The following PCDHGA10 variants were observed in gnomAD, a reference collection of about 807,000 sequenced individuals.
PCDHGA10 encodes protocadherin gamma subfamily A, 10, also known as protocadherin gamma-A10.
Under a neutral mutation model 59.5 loss-of-function variants are expected in PCDHGA10, and 42 were observed. The ratio of observed to expected loss-of-function variants is 0.71; its 90% CI spans 0.55 to 0.91. The LOEUF is 0.91. Ranked by LOEUF, PCDHGA10 falls within the 40% of genes least tolerant of loss-of-function variation. The pLI, the probability that PCDHGA10 is intolerant of heterozygous loss-of-function variation, is 0.00. For synonymous variants in PCDHGA10, 511 were observed against 517.2 expected (o/e 0.99, Z 0.16); for missense variants, 1,111 against 1,198.2 (o/e 0.93, Z 1.07).
At chr5:141,465,887 C>A (rs1267304672) in intron 1 of PCDHGA10, among the ~76,000 whole-genome samples, 1 of 152,040 alleles carries the variant, frequency 6.6e-6, no homozygotes, top group Non-Finnish European at 1.5e-5. Flanking sequence ...CTTTGGGAGG[C>A]CGAGGCGGGC....
chr5:141,498,967 GGGAGGGAAGGAAGGAA>G (rs1333462541), intron 2 of PCDHGA10, among the ~76,000 whole-genome samples: 8 of 129,672 alleles, frequency 6.2e-5, no homozygotes, highest in East Asian at 2.2e-4. Context: ...GAGGGAGGGA[GGGAGGGAAGGAAGGAA>G]GGAAGGAAGG....
Position 141,511,345 on chromosome 5 carries a change from TC to T in PCDHGA10, c.*179del, listed in dbSNP as rs535135679. On this transcript the variant is annotated 3_prime_UTR_variant, in exon 4 of 4. Coordinates refer to ENST00000398610, the MANE Select transcript of PCDHGA10 (RefSeq NM_018913.3). ...AAGTGCCCAGTCAGCACCTACCCCTTCCCCCCCAGGGGGTTGAATATGCAAA... is the reference window on the plus strand; with the variant it reads ...AAGTGCCCAGTCAGCACCTACCCCTTCCCCCCAGGGGGTTGAATATGCAAA... The T allele has an allele frequency of 2.2e-5, 31 of 1,410,342 alleles. No individual in the cohort carries two copies. Among genetic ancestry groups the T allele is most frequent in the South Asian group, 2.9e-5 (2 of 68,200 alleles). 87.4% of individuals were successfully genotyped at this position (1,410,342 alleles called of 1,614,324 possible). A position where few individuals can be genotyped will look rare whatever the true frequency, so the allele number is the denominator to read the frequency against.
intron 1 of PCDHGA10, chr5:141,441,925 T>C (rs926242217): frequency 2.8e-6 from 1 of 353,614 alleles, no homozygotes; most frequent in Non-Finnish European, 5.4e-6. Flanking sequence ...ACACAATGCG[T>C]GGCTGTCCTA....
At position 141,422,850 on chromosome 5, in the gene PCDHGA10, G is replaced by A. The variant is rs184432819; in HGVS notation, c.2436+7239G>A. On this transcript the variant is annotated intron_variant, in intron 1 of 3. Transcript: ENST00000398610. Reference sequence around the variant, plus strand: ...TGATAGCACGTGACAGCGGGGACCCGCCCCTCAGCAGCAACGTGTCGCTGA... The same window carrying A: ...TGATAGCACGTGACAGCGGGGACCCACCCCTCAGCAGCAACGTGTCGCTGA... 154 of 1,614,204 alleles carry A rather than the reference G, an allele frequency of 9.5e-5. 1 individual carries two copies. The African/African-American group carries it at 1.3e-3, about 14-fold the overall frequency.
intron 1 of PCDHGA10, chr5:141,419,487 G>T: frequency 6.2e-7 from 1 of 1,612,378 alleles, no homozygotes. Context: ...CCCGCGCTCA[G>T]CGCCAATGTG....
At chr5:141,423,120 G>A in intron 1 of PCDHGA10, 1 of 1,613,800 alleles carries the variant, frequency 6.2e-7, no homozygotes. Flanking sequence ...GTACAGCGCG[G>A]GCACTGCTGG....
chr5:141,417,732 C>T (rs2096153715), intron 1 of PCDHGA10: 4 of 1,390,342 alleles, frequency 2.9e-6, no homozygotes, highest in Admixed American at 2.8e-5. Context: ...AGACCTTGCC[C>T]AGCACACCAG....
intron 1 of PCDHGA10, chr5:141,430,555 TC>T (rs1232264614): frequency 9.7e-6 from 4 of 411,788 alleles, no homozygotes; most frequent in Non-Finnish European, 1.3e-5. Flanking sequence ...TGTTCACCAA[TC>T]GGGGAGAGAA....
At position 141,494,788 on chromosome 5, in the gene PCDHGA10, C is replaced by T. The variant is rs2099756942; in HGVS notation, c.2437-19C>T. The T allele has an allele frequency of 6.2e-7, 1 of 1,614,116 alleles. No homozygotes were observed. The highest frequency in any genetic ancestry group is 8.5e-7 in the Non-Finnish European group (1 of 1,180,000). On this transcript the variant is annotated intron_variant, in intron 1 of 3. Transcript: ENST00000398610. ...CTTCTCACGGGTACTCAGCCCCTTTCCCTCTGTTTTCTCCACAGCAAGCCC... is the reference window on the plus strand; with the variant it reads ...CTTCTCACGGGTACTCAGCCCCTTTTCCTCTGTTTTCTCCACAGCAAGCCC...
chr5:141,509,809 A>G (rs13163163), intron 3 of PCDHGA10, among the ~76,000 whole-genome samples: 35,240 of 151,962 alleles, frequency 0.23, 4,247 homozygotes, highest in Admixed American at 0.33. Context: ...CATAGAGCCG[A>G]GCTCTTCTCC....
chr5:141,475,424 T>C (rs2099363271), intron 1 of PCDHGA10, among the ~76,000 whole-genome samples: 1 of 152,244 alleles, frequency 6.6e-6, no homozygotes, highest in African/African-American at 2.4e-5. Context: ...CTCCTGCTAA[T>C]TTGATAGTAG....
intron 1 of PCDHGA10, among the ~76,000 whole-genome samples, chr5:141,465,788 T>A (rs1322471400): frequency 6.6e-6 from 1 of 152,110 alleles, no homozygotes; most frequent in Non-Finnish European, 1.5e-5. Context: ...AGTTTTTTTT[T>A]TTTTAAGAAA....
In PCDHGA10 at chr5:141,432,011, TACA is replaced by T. The variant is rs1296391274; in HGVS notation, c.2436+16404_2436+16406del. 2 of 1,614,202 alleles carry T rather than the reference TACA, an allele frequency of 1.2e-6. No homozygotes were observed. Among genetic ancestry groups the T allele is most frequent in the South Asian group, 2.2e-5 (2 of 91,084 alleles). On this transcript the variant is annotated intron_variant, in intron 1 of 3. Transcript: ENST00000398610. This position sits in a 1 kb window ranked among gnomAD's most constrained non-coding sequence, Gnocchi z 6.0. The stretch of plus-strand genomic sequence containing the variant: ...CTTGGATAGGGAACAGGTTCCTAGC[TACA>T]ACATCACAGTGACCGCCACTGACCG...
chr5:141,422,331 T>C (rs768333038), intron 1 of PCDHGA10: 1 of 1,548,508 alleles, frequency 6.5e-7, no homozygotes, highest in South Asian at 1.3e-5. Context: ...CAGTGATTGC[T>C]CTTCTAAATG....
chr5:141,419,196 A>G (rs2096342064), intron 1 of PCDHGA10: 1 of 1,613,994 alleles, frequency 6.2e-7, no homozygotes, highest in Middle Eastern at 1.6e-4. Context: ...ACTGACGTCA[A>G]TGACAACGCG....
intron 2 of PCDHGA10, among the ~76,000 whole-genome samples, chr5:141,496,841 G>C (rs2099771828): frequency 6.6e-6 from 1 of 151,398 alleles, no homozygotes; most frequent in South Asian, 2.1e-4. Context: ...GAACTCATAG[G>C]CTTCCAGACC....
chr5:141,449,994 G>T (rs2098661673), intron 1 of PCDHGA10, among the ~76,000 whole-genome samples: 2 of 131,786 alleles, frequency 1.5e-5, no homozygotes, highest in Admixed American at 7.9e-5. Context: ...ATTGCATTTA[G>T]TTGCCATGTC....
At chr5:141,461,291 C>A (rs892436619) in intron 1 of PCDHGA10, among the ~76,000 whole-genome samples, 1 of 152,128 alleles carries the variant, frequency 6.6e-6, no homozygotes, top group African/African-American at 2.4e-5. Flanking sequence ...CACATCCACA[C>A]CAACATCTAT....
At chr5:141,423,008 C>A in intron 1 of PCDHGA10, 13 of 1,614,214 alleles carry the variant, frequency 8.1e-6, no homozygotes, top group Non-Finnish European at 1.1e-5. Flanking sequence ...AAGGTGGTTG[C>A]GGTGGACAAA....
Sources: allele counts gnomAD v4.1 joint callset (sites outside exome capture counted in the v4.1 genomes callset), GRCh38; gene constraint gnomAD v4.1.1; non-coding constraint Gnocchi (gnomAD v3.1); transcripts MANE v1.5; gene names NCBI Gene and HGNC (gene_info 2026-07-23, HGNC 2026-07-21).